The following BLTP1 variants were observed in gnomAD, a reference collection of about 807,000 sequenced individuals.
BLTP1 encodes the protein fragile site-associated protein.
the BLTP1 span, chr4:122,258,742 A>C: frequency 6.2e-7 from 1 of 1,614,060 alleles, no homozygotes; most frequent in African/African-American, 1.3e-5. Flanking sequence ...AGGAACAGCT[A>C]ACCGGCCTCC....
chr4:122,336,475 T>C, the BLTP1 span: 1 of 780,458 alleles, frequency 1.3e-6, no homozygotes, highest in Non-Finnish European at 1.8e-6. Flanking sequence ...GTTAAAGAAT[T>C]ATAAACTGTA....
At chr4:122,244,040 T>C in the BLTP1 span, 2 of 1,564,750 alleles carry the variant, frequency 1.3e-6, no homozygotes, top group Admixed American at 4.0e-5. Flanking sequence ...ATTGATTTTG[T>C]CTAGAAATAC....
the BLTP1 span, chr4:122,246,548 T>C: frequency 1.8e-6 from 2 of 1,129,850 alleles, no homozygotes; most frequent in Non-Finnish European, 2.5e-6. Flanking sequence ...TGAGAATCTG[T>C]ATTCATAAGC....
the BLTP1 span, chr4:122,209,019 TA>T: frequency 1.5e-6 from 1 of 649,162 alleles, no homozygotes; most frequent in Non-Finnish European, 2.0e-6. Flanking sequence ...AATAATACAA[TA>T]AAATAAAAAT....
chr4:122,214,160 A>ATT, the BLTP1 span: 7 of 843,382 alleles, frequency 8.3e-6, no homozygotes, highest in African/African-American at 1.9e-5. Context: ...GCCTATTGTT[A>ATT]TTTTTTTTTT....
chr4:122,328,045 T>C, the BLTP1 span: 1 of 1,255,330 alleles, frequency 8.0e-7, no homozygotes, highest in Non-Finnish European at 1.1e-6. Context: ...AATTTATATA[T>C]TTTTTCTTTT....
the BLTP1 span, among the ~76,000 whole-genome samples, chr4:122,262,148 TTGTG>T: frequency 9.8e-4 from 131 of 133,512 alleles, 1 homozygote; most frequent in African/African-American, 2.1e-3. Context: ...TACAGATCCT[TTGTG>T]TGTGTGTGTG....
the BLTP1 span, chr4:122,361,883 G>A: frequency 2.4e-6 from 2 of 828,938 alleles, no homozygotes; most frequent in South Asian, 4.1e-5. Flanking sequence ...GTGAATCCAG[G>A]AATTATGGGC....
At chr4:122,258,177 C>T in the BLTP1 span, among the ~76,000 whole-genome samples, 2 of 151,802 alleles carry the variant, frequency 1.3e-5, no homozygotes, top group African/African-American at 2.4e-5. Flanking sequence ...TTATCATGAC[C>T]TATCATATTT....
the BLTP1 span, chr4:122,328,273 T>G: frequency 6.2e-7 from 1 of 1,611,146 alleles, no homozygotes; most frequent in Non-Finnish European, 8.5e-7. Context: ...GATGACAGTT[T>G]GTCTTCTACC....
At chr4:122,254,583 T>C in the BLTP1 span, 3 of 928,574 alleles carry the variant, frequency 3.2e-6, no homozygotes, top group Non-Finnish European at 2.6e-6. Context: ...TAGACTTTTG[T>C]TTACTCTTTT....
the BLTP1 span, chr4:122,277,471 T>C: frequency 1.0e-6 from 1 of 982,944 alleles, no homozygotes; most frequent in African/African-American, 1.7e-5. Context: ...TTCTTTTGCT[T>C]TACTTCTTTC....
chr4:122,238,571 T>C, the BLTP1 span, among the ~76,000 whole-genome samples: 1 of 152,346 alleles, frequency 6.6e-6, no homozygotes, highest in South Asian at 2.1e-4. Flanking sequence ...GAAAGTGTAA[T>C]GAAAGTGGAA....
chr4:122,156,252 A>C, the BLTP1 span, among the ~76,000 whole-genome samples: 1 of 152,230 alleles, frequency 6.6e-6, no homozygotes, highest in Non-Finnish European at 1.5e-5. Context: ...CAATTTAAAG[A>C]TGATAGTTAA....
At chr4:122,258,790 A>G in the BLTP1 span, 1 of 1,614,022 alleles carries the variant, frequency 6.2e-7, no homozygotes, top group Admixed American at 1.7e-5. Context: ...AGCTGAGATA[A>G]TGAGGAAACT....
At chr4:122,349,709 G>T in the BLTP1 span, 2 of 1,535,416 alleles carry the variant, frequency 1.3e-6, no homozygotes, top group South Asian at 1.3e-5. The surrounding 1 kb of genome is among the most constrained non-coding windows in gnomAD (Gnocchi z 4.5). Context: ...CTATCATCTG[G>T]TGAGAAAACA....
At chr4:122,170,459 G>A in the BLTP1 span, 3 of 1,299,680 alleles carry the variant, frequency 2.3e-6, no homozygotes, top group South Asian at 1.9e-5. Flanking sequence ...AGAAATGTGG[G>A]CATTTTTGTT....
the BLTP1 span, chr4:122,187,181 A>T: frequency 1.5e-5 from 15 of 983,556 alleles, no homozygotes; most frequent in Non-Finnish European, 1.8e-5. Flanking sequence ...AAAGCTTGTT[A>T]TTCTAAAAAC....
the BLTP1 span, chr4:122,244,964 C>G: frequency 6.3e-7 from 1 of 1,576,400 alleles, no homozygotes; most frequent in Non-Finnish European, 8.7e-7. Flanking sequence ...TTTACATAAA[C>G]TAAGTTGTAG....
Sources: gnomAD v4.1 joint callset for allele counts (sites outside exome capture counted in the v4.1 genomes callset) on GRCh38, gnomAD v4.1.1 for gene constraint, Gnocchi (gnomAD v3.1) non-coding constraint, MANE v1.5 for transcripts, NCBI Gene and HGNC (gene_info 2026-07-23, HGNC 2026-07-21) for gene names.